YES1: variants seen among roughly 807,000 people sequenced by gnomAD.
YES1 encodes the protein YES proto-oncogene 1, Src family tyrosine kinase, also known as tyrosine-protein kinase Yes.
A neutral mutation model predicts 70.4 loss-of-function variants in YES1; 39 were observed. The ratio of observed to expected loss-of-function variants is 0.55; its 90% confidence interval spans 0.43 to 0.72. The LOEUF (loss-of-function observed/expected upper bound fraction) is 0.72. Among genes scored for constraint, YES1 ranks in the 30% least tolerant of loss-of-function variants. The pLI, the probability that YES1 is intolerant of heterozygous loss-of-function variation, is 0.00. For synonymous variants in YES1, 198 were observed against 218.6 expected (o/e 0.91, Z 0.83); for missense variants, 495 against 644.8 (o/e 0.77, Z 2.52).
At chr18:811,319 TCC>T (rs1907367913) in intron 1 of YES1, among the ~76,000 whole-genome samples, 1 of 152,138 alleles carries the variant, frequency 6.6e-6, no homozygotes, top group Non-Finnish European at 1.5e-5. Flanking sequence ...TTCAACCAAA[TCC>T]GAACTGTTAA....
chr18:799,323 T>C (rs572296450), intron 1 of YES1, among the ~76,000 whole-genome samples: 2 of 152,342 alleles, frequency 1.3e-5, no homozygotes, highest in East Asian at 1.9e-4. Flanking sequence ...GAAACTATTT[T>C]TTCCAGCTCT....
chr18:722,954 TGG>T lies in YES1; in HGVS notation c.*1468_*1469del, dbSNP rs2079974225. 6.6e-6 allele frequency: 1 copy of T among 152,234 alleles called. No individual in the cohort carries two copies. Among genetic ancestry groups the T allele is most frequent in the Non-Finnish European group, 1.5e-5 (1 of 68,136 alleles). 9.4% of individuals were successfully genotyped at this position (152,234 alleles called of 1,614,324 possible). Reference sequence around the variant, plus strand: ...AAAAATACAAAAAACTAGCCAGGCGTGGTGGTGGGCACCTGTAGTCCCAGCTA... The same window carrying T: ...AAAAATACAAAAAACTAGCCAGGCGTTGGTGGGCACCTGTAGTCCCAGCTA... On this transcript the variant is annotated 3_prime_UTR_variant, in exon 12 of 12. Coordinates refer to ENST00000314574, the MANE Select transcript of YES1 (RefSeq NM_005433.4).
intron 1 of YES1, among the ~76,000 whole-genome samples, chr18:778,512 T>C (rs1386101440): frequency 6.6e-6 from 1 of 152,246 alleles, no homozygotes; most frequent in Non-Finnish European, 1.5e-5. Context: ...AAATGTACAT[T>C]ATTCCTATAA....
intron 1 of YES1, among the ~76,000 whole-genome samples, chr18:795,644 C>T (rs1318587022): frequency 6.6e-6 from 1 of 150,914 alleles, no homozygotes; most frequent in Non-Finnish European, 1.5e-5. Context: ...CCTCAGCAAA[C>T]TAACACAGGA....
chr18:812,658 C>CCT, upstream of YES1: 5 of 152,688 alleles, frequency 3.3e-5, no homozygotes, highest in Non-Finnish European at 7.3e-5. Context: ...CCCTTCCCAC[C>CCT]CGCGAACCCA....
At chr18:762,866 C>T (rs182323293) in intron 1 of YES1, among the ~76,000 whole-genome samples, 1 of 152,198 alleles carries the variant, frequency 6.6e-6, no homozygotes, top group African/African-American at 2.4e-5. Flanking sequence ...GAAACAAATA[C>T]AACACTGTAC....
intron 1 of YES1, among the ~76,000 whole-genome samples, chr18:793,135 G>T (rs1054119960): frequency 1.2e-4 from 18 of 151,472 alleles, no homozygotes; most frequent in Middle Eastern, 3.2e-3. Context: ...CACCTCCCGG[G>T]TTCAAGCGAT....
chr18:721,913 C>T lies in YES1; in HGVS notation c.*2511G>A, dbSNP rs981398876. On this transcript the variant is annotated 3_prime_UTR_variant, in exon 12 of 12. Transcript: ENST00000314574. ...AAGGGTTAACTTCCACATTAAGACA[C>T]TGAAGACGAAAAGCTGTTGGAAAAT... 73 of 152,608 alleles carry T rather than the reference C, an allele frequency of 4.8e-4. 1 individual carries two copies. The highest frequency in any genetic ancestry group is 7.8e-4 in the Non-Finnish European group (53 of 68,044). 9.5% of individuals were successfully genotyped at this position (152,608 alleles called of 1,614,324 possible).
intron 1 of YES1, among the ~76,000 whole-genome samples, chr18:763,703 CAAAAAAAAAA>C (rs71174286): frequency 3.1e-5 from 2 of 63,712 alleles, no homozygotes; most frequent in East Asian, 4.5e-4. Flanking sequence ...ATCCTGTCTT[CAAAAAAAAAA>C]AAAAAAAAAA....
chr18:788,671 G>A (rs1906087974), intron 1 of YES1, among the ~76,000 whole-genome samples: 1 of 152,170 alleles, frequency 6.6e-6, no homozygotes, highest in African/African-American at 2.4e-5. Context: ...GTAATCCCCG[G>A]CACTTTGGGA....
chr18:800,904 T>C (rs1218201592), intron 1 of YES1, among the ~76,000 whole-genome samples: 1 of 152,002 alleles, frequency 6.6e-6, no homozygotes, highest in Non-Finnish European at 1.5e-5. Context: ...TCCCAGCACT[T>C]TGGGAGGCCA....
chr18:762,822 A>C (rs1190304648), intron 1 of YES1, among the ~76,000 whole-genome samples: 3 of 152,224 alleles, frequency 2.0e-5, no homozygotes, highest in Non-Finnish European at 4.4e-5. Context: ...AGGACAATAA[A>C]TGGTCCCTTT....
chr18:745,824 T>G lies in YES1; in HGVS notation c.608A>C (p.Glu203Ala). The change falls in exon 6 of 12, where the codon GAG becomes GCG. Residue 203 changes from glutamate to alanine, a missense_variant. This residue lies in a region of YES1 where 385 missense variants were observed against 540.9 expected (regional missense o/e 0.71). Coordinates refer to ENST00000314574, the MANE Select transcript of YES1 (RefSeq NM_005433.4). The part of the protein sequence containing the change: ...AYSLSIRDWD[E>A]IRGDNVKHYK... ...GTGTTTCACATTGTCACCCCTTATC[T>G]CATCCCAATCACGAATAGAAAGGGA... 1 of 1,612,710 alleles carries G rather than the reference T, an allele frequency of 6.2e-7. No individual in the cohort carries two copies. Among genetic ancestry groups the G allele is most frequent in the Non-Finnish European group, 8.5e-7 (1 of 1,179,738 alleles).
intron 1 of YES1, among the ~76,000 whole-genome samples, chr18:763,792 A>G (rs1382016055): frequency 6.6e-6 from 1 of 151,764 alleles, no homozygotes; most frequent in African/African-American, 2.4e-5. Flanking sequence ...TATAATAATC[A>G]AGGTTGTCAG....
At chr18:812,665 C>A (rs1907478195), upstream of YES1, 1 of 152,694 alleles carries the variant, frequency 6.5e-6, no homozygotes, top group African/African-American at 2.4e-5. Flanking sequence ...CACCCGCGAA[C>A]CCACCGACGC....
intron 1 of YES1, among the ~76,000 whole-genome samples, chr18:764,245 T>G (rs1030263594): frequency 6.6e-6 from 1 of 152,216 alleles, no homozygotes; most frequent in African/African-American, 2.4e-5. Context: ...TTTTTGAGAC[T>G]GAGTCTCACT....
At chr18:743,547 A>G in intron 6 of YES1, 132 bp from the exon 7 acceptor site, 2 of 688,286 alleles carry the variant, frequency 2.9e-6, no homozygotes, top group Non-Finnish European at 4.4e-6. Context: ...CTAAAAGCAC[A>G]AAACAAAAAG....
chr18:763,317 A>C (rs1202934558), intron 1 of YES1, among the ~76,000 whole-genome samples: 1 of 152,216 alleles, frequency 6.6e-6, no homozygotes, highest in Non-Finnish European at 1.5e-5. Flanking sequence ...CTATGACAAA[A>C]GGATGAATTA....
chr18:745,125 T>C (rs1254662865), intron 6 of YES1, among the ~76,000 whole-genome samples: 1 of 152,152 alleles, frequency 6.6e-6, no homozygotes, highest in Non-Finnish European at 1.5e-5. Context: ...GTATTAATCA[T>C]GTAAAGACTT....
Sources: allele counts gnomAD v4.1 joint callset (sites outside exome capture counted in the v4.1 genomes callset), GRCh38; gene constraint gnomAD v4.1.1; regional missense constraint gnomAD v4.1.1; transcripts MANE v1.5; gene names NCBI Gene and HGNC (gene_info 2026-07-23, HGNC 2026-07-21).